Variants in PCLO observed in about 807,000 individuals in gnomAD.
The protein encoded by PCLO is piccolo presynaptic cytomatrix protein, also known as protein piccolo.
In PCLO, 82 loss-of-function variants were observed where a neutral mutation model predicts 427.5. The ratio of observed to expected loss-of-function variants is 0.19; its 90% CI spans 0.16 to 0.23. PCLO has a LOEUF of 0.23. Among genes scored for constraint, PCLO ranks in the 10% least tolerant of loss-of-function variants. PCLO has a pLI of 1.00. For synonymous variants in PCLO, 2,357 were observed against 2,155.4 expected (o/e 1.09, Z -2.59); for missense variants, 6,239 against 6,115.9 (o/e 1.02, Z -0.67).
At chr7:83,055,355 A>G (rs1216542218) in intron 3 of PCLO, among the ~76,000 whole-genome samples, 1 of 152,112 alleles carries the variant, frequency 6.6e-6, no homozygotes, top group African/African-American at 2.4e-5. Context: ...GAAGAGACTC[A>G]CCACAGGCTT....
At chr7:83,115,890 C>A (rs1791118777) in intron 3 of PCLO, among the ~76,000 whole-genome samples, 1 of 151,856 alleles carries the variant, frequency 6.6e-6, no homozygotes, top group South Asian at 2.1e-4. Context: ...TGTCTTCAGT[C>A]CCAAACTCTT....
At chr7:83,110,492 T>C (rs914069089) in intron 3 of PCLO, among the ~76,000 whole-genome samples, 18 of 152,168 alleles carry the variant, frequency 1.2e-4, no homozygotes, top group Non-Finnish European at 1.9e-4. Context: ...TGCCTTGTTC[T>C]TCTTTCCTGA....
intron 3 of PCLO, among the ~76,000 whole-genome samples, chr7:82,969,683 A>G (rs1795858363): frequency 1.3e-5 from 2 of 152,094 alleles, no homozygotes; most frequent in African/African-American, 4.8e-5. Flanking sequence ...TTCTGTATGT[A>G]TCTATTTGGT....
chr7:83,126,519 ATAAAAT>A (rs1224580115), intron 3 of PCLO, among the ~76,000 whole-genome samples: 1 of 152,150 alleles, frequency 6.6e-6, no homozygotes, highest in Non-Finnish European at 1.5e-5. Context: ...CTATGTACTC[ATAAAAT>A]TAAAAATGTA....
At chr7:82,815,401 T>C (rs1242940238) in intron 20 of PCLO, among the ~76,000 whole-genome samples, 1 of 152,064 alleles carries the variant, frequency 6.6e-6, no homozygotes, top group African/African-American at 2.4e-5. Flanking sequence ...GCAATGAGGA[T>C]GCTTTAAAAC....
chr7:82,831,611 C>T (rs1196478972), intron 16 of PCLO, among the ~76,000 whole-genome samples: 2 of 152,126 alleles, frequency 1.3e-5, no homozygotes, highest in Non-Finnish European at 2.9e-5. Flanking sequence ...TGGCCAGATA[C>T]ATTTAGAAAT....
intron 6 of PCLO, among the ~76,000 whole-genome samples, chr7:82,929,121 A>G (rs1005906035): frequency 1.3e-5 from 2 of 152,118 alleles, no homozygotes; most frequent in Non-Finnish European, 2.9e-5. Context: ...TTGAGGACAT[A>G]TAAGAGAGAA....
At chr7:83,038,037 A>ATATGTATATC (rs1313000516) in intron 3 of PCLO, among the ~76,000 whole-genome samples, 1 of 33,836 alleles carries the variant, frequency 3.0e-5, no homozygotes, top group African/African-American at 1.3e-4. Context: ...ATATTTATAT[A>ATATGTATATC]TTTATATATA....
chr7:82,787,260 C>T (rs987874688), intron 22 of PCLO, among the ~76,000 whole-genome samples: 3 of 151,782 alleles, frequency 2.0e-5, no homozygotes, highest in Non-Finnish European at 2.9e-5. Flanking sequence ...TGTTTCCTGA[C>T]TTTTTAATGA....
In PCLO at chr7:83,134,738, T is replaced by C. The variant is rs982946349; in HGVS notation, c.2812A>G (p.Ile938Val). 16 of 1,613,798 alleles carry C rather than the reference T, an allele frequency of 9.9e-6. No individual in the cohort carries two copies. Among genetic ancestry groups the C allele is most frequent in the East Asian group, 6.7e-5 (3 of 44,864 alleles). Residue 938 changes from isoleucine to valine, a missense_variant, in exon 3 of 25, where the codon ATC (isoleucine) becomes GTC (valine). Physicochemically the swap from Ile to Val is conservative, Grantham distance 29. Around this residue, in one of 5 missense-constraint regions of PCLO, gnomAD observed 4,677 missense variants for 4,468.4 expected, o/e 1.05. Coordinates refer to ENST00000333891, the MANE Select transcript of PCLO (RefSeq NM_033026.6). ...TGKLFGFGAS[I>V]FSQASNLIST... is the part of the protein sequence containing the mutation. ...ATTAAATTTGATGCCTGGCTGAAGA[T>C]TGATGCTCCAAACCCAAAGAGTTTC... is the stretch of plus-strand genomic sequence containing the variant.
At chr7:83,122,346 T>C (rs1269507199) in intron 3 of PCLO, among the ~76,000 whole-genome samples, 2 of 149,630 alleles carry the variant, frequency 1.3e-5, no homozygotes, top group Non-Finnish European at 3.0e-5. Context: ...AGTGCAGTGG[T>C]GCAATCTCGG....
chr7:83,030,034 C>T (rs1382963700), intron 3 of PCLO, among the ~76,000 whole-genome samples: 1 of 146,544 alleles, frequency 6.8e-6, no homozygotes, highest in Non-Finnish European at 1.5e-5. Context: ...GTGGGTGCAG[C>T]GCACCAGCAT....
At chr7:82,908,368 T>C (rs1794241640) in intron 8 of PCLO, among the ~76,000 whole-genome samples, 1 of 152,096 alleles carries the variant, frequency 6.6e-6, no homozygotes, top group African/African-American at 2.4e-5. Flanking sequence ...GTTCCACATA[T>C]AAAATTCAAA....
At chr7:83,020,306 A>G (rs1788310573) in intron 3 of PCLO, among the ~76,000 whole-genome samples, 2 of 152,130 alleles carry the variant, frequency 1.3e-5, no homozygotes, top group Admixed American at 1.3e-4. Context: ...CTGACACTTG[A>G]TGAAGCTTAA....
chr7:82,950,205 TCTC>T lies in PCLO; in HGVS notation c.10380_10382del (p.Arg3463del). On this transcript the variant is annotated inframe_deletion, in exon 6 of 25. Coordinates refer to ENST00000333891, the MANE Select transcript of PCLO (RefSeq NM_033026.6). ...TATCCACACTCTTTTTAGTTCTCCT[TCTC>T]CTACTCACATAGCTCCGATCTGTGG... is the stretch of plus-strand genomic sequence containing the variant. The T allele has an allele frequency of 1.9e-6, 3 of 1,612,058 alleles. No individual in the cohort carries two copies. The highest frequency in any genetic ancestry group is 1.3e-5 in the African/African-American group (1 of 74,316).
chr7:83,069,222 C>A (rs576199421), intron 3 of PCLO, among the ~76,000 whole-genome samples: 2 of 151,824 alleles, frequency 1.3e-5, no homozygotes, highest in African/African-American at 4.8e-5. Context: ...CACTCCCATA[C>A]AAAAAAAATC....
intron 9 of PCLO, among the ~76,000 whole-genome samples, chr7:82,901,899 T>C (rs1370186165): frequency 1.3e-5 from 2 of 151,606 alleles, no homozygotes; most frequent in East Asian, 2.0e-4. Context: ...CCAGTTAGAA[T>C]GGCAATCATT....
At chr7:83,110,153 T>C (rs898762646) in intron 3 of PCLO, among the ~76,000 whole-genome samples, 10 of 151,444 alleles carry the variant, frequency 6.6e-5, no homozygotes, top group African/African-American at 2.2e-4. Context: ...ATCATGTCTA[T>C]TGCTGTAAAT....
intron 3 of PCLO, among the ~76,000 whole-genome samples, chr7:83,009,110 T>A (rs1036467658): frequency 1.3e-4 from 20 of 151,866 alleles, no homozygotes; most frequent in African/African-American, 3.6e-4. Context: ...TACTAGAAAA[T>A]ATATTTTTAA....
Sources: gnomAD v4.1 joint callset for allele counts (sites outside exome capture counted in the v4.1 genomes callset) on GRCh38, gnomAD v4.1.1 for gene constraint, gnomAD v4.1.1 regional missense constraint, MANE v1.5 for transcripts, NCBI Gene and HGNC (gene_info 2026-07-23, HGNC 2026-07-21) for gene names.